Variants in TAPT1 observed in about 807,000 individuals in gnomAD.
TAPT1 encodes the protein transmembrane anterior posterior transformation protein 1 homolog.
Under a neutral mutation model 65.6 loss-of-function variants are expected in TAPT1, and 28 were observed. The ratio of observed to expected loss-of-function variants is 0.43; its 90% CI spans 0.32 to 0.59. The LOEUF (loss-of-function observed/expected upper bound fraction) is 0.59. Among genes scored for constraint, TAPT1 ranks in the 20% least tolerant of loss-of-function variants. The probability of loss-of-function intolerance (pLI) is 0.09; values close to 1 mark genes in which losing one functional copy is unlikely to be tolerated. For synonymous variants in TAPT1, 278 were observed against 245.2 expected, an observed-to-expected ratio of 1.13 and a Z score of -1.25; for missense variants, 563 against 679.9, an observed-to-expected ratio of 0.83 and a Z score of 1.91.
chr4:16,194,531 T>C (rs1397254384), intron 3 of TAPT1, among the ~76,000 whole-genome samples: 1 of 152,182 alleles, frequency 6.6e-6, no homozygotes, highest in African/African-American at 2.4e-5. Context: ...CAGAACCTAC[T>C]ATCTTTCTGT....
At chr4:16,182,284 T>C (rs983258141) in intron 7 of TAPT1, among the ~76,000 whole-genome samples, 49 of 152,198 alleles carry the variant, frequency 3.2e-4, no homozygotes, top group African/African-American at 1.1e-3. Flanking sequence ...ATCAAACATA[T>C]ATTAGATAAA....
intron 2 of TAPT1, among the ~76,000 whole-genome samples, chr4:16,209,054 G>C (rs1276302430): frequency 2.6e-5 from 4 of 152,086 alleles, no homozygotes; most frequent in Non-Finnish European, 5.9e-5. Context: ...TGTAGAGACA[G>C]CGTTTTGCCA....
chr4:16,223,352 T>A (rs545899428), intron 1 of TAPT1, among the ~76,000 whole-genome samples: 1 of 152,224 alleles, frequency 6.6e-6, no homozygotes, highest in Admixed American at 6.5e-5. Context: ...TTTGGTTTTA[T>A]GTCAAAAGGA....
At chr4:16,170,519 T>C in intron 12 of TAPT1, 134 bp downstream of exon 12, 1 of 558,078 alleles carries the variant, frequency 1.8e-6, no homozygotes, top group Admixed American at 2.9e-5. Context: ...ATAAATACAC[T>C]TGGAGGTATA....
At chr4:16,202,416 T>A (rs927693746) in intron 3 of TAPT1, 46 bp downstream of exon 3, 1 of 1,179,744 alleles carries the variant, frequency 8.5e-7, no homozygotes, top group African/African-American at 1.5e-5. Context: ...GTATTAAAAA[T>A]AATGAAATAC....
rs1426969624 is a variant in TAPT1 at position 16,161,367 on chromosome 4, T to C, written c.*1941A>G. The C allele has an allele frequency of 6.6e-6, 1 of 152,628 alleles. No homozygotes were observed. The highest frequency in any genetic ancestry group is 1.5e-5 in the Non-Finnish European group (1 of 68,048). 9.5% of individuals were successfully genotyped at this position (152,628 alleles called of 1,614,324 possible). On this transcript the variant is annotated 3_prime_UTR_variant, in exon 14 of 14. Coordinates refer to ENST00000405303, the MANE Select transcript of TAPT1 (RefSeq NM_153365.3). ...CTTATAAAATTAGTACTGAATGCCA[T>C]TAAAACAGAAGAAATGAACATAATC...
chr4:16,186,443 G>T, intron 7 of TAPT1, 92 bp downstream of exon 7: 1 of 777,118 alleles, frequency 1.3e-6, no homozygotes, highest in South Asian at 1.8e-5. Flanking sequence ...TTAAGCTGAA[G>T]AGTGGCCCAG....
At chr4:16,223,572 C>T (rs1264403586) in intron 1 of TAPT1, among the ~76,000 whole-genome samples, 1 of 152,156 alleles carries the variant, frequency 6.6e-6, no homozygotes, top group East Asian at 1.9e-4. Context: ...TGTAAGTACT[C>T]GCATCTGAGA....
At chr4:16,208,052 G>C (rs1363467301) in intron 2 of TAPT1, among the ~76,000 whole-genome samples, 1 of 152,090 alleles carries the variant, frequency 6.6e-6, no homozygotes, top group African/African-American at 2.4e-5. Flanking sequence ...ATTGCTAAAA[G>C]GCTTCATGAT....
rs1160850635 is a variant in TAPT1 at position 16,163,061 on chromosome 4, C to T, written c.*247G>A. On this transcript the variant is annotated 3_prime_UTR_variant, in exon 14 of 14. Coordinates refer to ENST00000405303, the MANE Select transcript of TAPT1 (RefSeq NM_153365.3). The stretch of plus-strand genomic sequence containing the variant: ...TCCTGGAAATGATGCTGCTGCTTGG[C>T]CAGGCAGGAGGAAGTTTTATAATCC... The T allele has an allele frequency of 3.5e-6, 2 of 572,528 alleles. No homozygotes were observed. Among genetic ancestry groups the T allele is most frequent in the Non-Finnish European group, 3.3e-6 (1 of 302,748 alleles). 35.5% of individuals were successfully genotyped at this position (572,528 alleles called of 1,614,324 possible). A position where few individuals can be genotyped will look rare whatever the true frequency, so the allele number is the denominator to read the frequency against.
chr4:16,197,983 G>A (rs528389078), intron 3 of TAPT1, among the ~76,000 whole-genome samples: 1 of 152,258 alleles, frequency 6.6e-6, no homozygotes, highest in Non-Finnish European at 1.5e-5. Context: ...GGGAGGGAGT[G>A]CATCCTTGGC....
Position 16,163,014 on chromosome 4 carries a change from T to G in TAPT1, c.*294A>C. 4.0e-6 allele frequency: 2 copies of G among 505,902 alleles called. No homozygotes were observed. Among genetic ancestry groups the G allele is most frequent in the East Asian group, 5.5e-5 (1 of 18,074 alleles). 31.3% of individuals were successfully genotyped at this position (505,902 alleles called of 1,614,324 possible). The stretch of plus-strand genomic sequence containing the variant: ...GCCCAGACTGACAAAGCAAAACAGA[T>G]TTTGATGTTGCCTTTGTTGGGTCCT... On this transcript the variant is annotated 3_prime_UTR_variant, in exon 14 of 14. Transcript: ENST00000405303.
intron 4 of TAPT1, chr4:16,191,138 G>A (rs751393163): frequency 6.9e-6 from 3 of 434,714 alleles, no homozygotes; most frequent in South Asian, 5.5e-5. Context: ...CCAGCAGCAT[G>A]AGCCCCACCG....
chr4:16,226,126 C>T (rs1443115018), intron 1 of TAPT1, 133 bp downstream of exon 1: 1 of 1,033,042 alleles, frequency 9.7e-7, no homozygotes, highest in African/African-American at 1.7e-5. Context: ...CTCCGCGCGC[C>T]CACAGCCTGG....
chr4:16,190,706 T>G, intron 4 of TAPT1: 1 of 154,954 alleles, frequency 6.5e-6, no homozygotes, highest in South Asian at 2.0e-4. Context: ...CTTGTGAATA[T>G]CTGGCTTATA....
chr4:16,172,705 C>T (rs1175044939), intron 11 of TAPT1, among the ~76,000 whole-genome samples: 1 of 152,200 alleles, frequency 6.6e-6, no homozygotes, highest in Non-Finnish European at 1.5e-5. Context: ...TAAAACATAG[C>T]TGGTATGACC....
At chr4:16,194,866 T>TGATTTTCCTCCTCCTCCTC (rs1560172297) in intron 3 of TAPT1, among the ~76,000 whole-genome samples, 3 of 18,662 alleles carry the variant, frequency 1.6e-4, no homozygotes, top group African/African-American at 3.9e-4. Flanking sequence ...TCTGTCTTCT[T>TGATTTTCCTCCTCCTCCTC]CTTCTTCTTC....
intron 1 of TAPT1, among the ~76,000 whole-genome samples, chr4:16,225,580 C>T (rs948768713): frequency 6.6e-6 from 1 of 152,066 alleles, no homozygotes; most frequent in African/African-American, 2.4e-5. Context: ...GAATAAAAAC[C>T]TACAGCTTAT....
At chr4:16,176,385 T>C (rs141105087) in intron 8 of TAPT1, 157 bp from the exon 9 acceptor site, 86 of 487,696 alleles carry the variant, frequency 1.8e-4, no homozygotes, top group African/African-American at 1.6e-3. Context: ...AAAAGAGCTA[T>C]ACTGTATCAA....
Sources: allele counts gnomAD v4.1 joint callset (sites outside exome capture counted in the v4.1 genomes callset), GRCh38; gene constraint gnomAD v4.1.1; transcripts MANE v1.5; gene names NCBI Gene and HGNC (gene_info 2026-07-23, HGNC 2026-07-21).